CALN1: variants seen among roughly 807,000 people sequenced by gnomAD.
CALN1 encodes the protein calneuron 1.
A neutral mutation model predicts 30.6 loss-of-function variants in CALN1; 17 were observed. The ratio of observed to expected loss-of-function variants is 0.56; its 90% confidence interval spans 0.38 to 0.83. CALN1 has a LOEUF of 0.83. CALN1 is among the 40% of genes least tolerant of loss of function. The probability of loss-of-function intolerance (pLI) is 0.00; values close to 1 mark genes in which losing one functional copy is unlikely to be tolerated. For synonymous variants in CALN1, 156 were observed against 131.4 expected, an observed-to-expected ratio of 1.19 and a Z score of -1.28; for missense variants, 291 against 354.9, an observed-to-expected ratio of 0.82 and a Z score of 1.45.
At chr7:71,825,835 C>T (rs183019338) in intron 5 of CALN1, among the ~76,000 whole-genome samples, 7 of 151,998 alleles carry the variant, frequency 4.6e-5, no homozygotes, top group African/African-American at 1.4e-4. Flanking sequence ...GAGTTCAAGA[C>T]CAGCCTGACC....
intron 2 of CALN1, among the ~76,000 whole-genome samples, chr7:72,357,321 G>C (rs1444738202): frequency 6.6e-6 from 1 of 152,036 alleles, no homozygotes; most frequent in Non-Finnish European, 1.5e-5. Flanking sequence ...CTCGGAATGA[G>C]AAAGGTTCCT....
chr7:71,795,832 T>C (rs1045521382), intron 6 of CALN1, among the ~76,000 whole-genome samples: 1 of 146,816 alleles, frequency 6.8e-6, no homozygotes, highest in East Asian at 2.0e-4. Flanking sequence ...TTTTTTTTTT[T>C]TTTTGAGACA....
At chr7:72,197,229 G>C (rs1472271706) in intron 3 of CALN1, among the ~76,000 whole-genome samples, 11 of 110,880 alleles carry the variant, frequency 9.9e-5, no homozygotes, top group South Asian at 3.2e-4. Context: ...CTGTCACCCA[G>C]ACTGGAGTGC....
At chr7:72,358,717 G>A (rs575538456) in intron 2 of CALN1, among the ~76,000 whole-genome samples, 1 of 152,258 alleles carries the variant, frequency 6.6e-6, no homozygotes, top group East Asian at 1.9e-4. Context: ...TTGGGAGGCG[G>A]AGGCAAGCAG....
intron 6 of CALN1, among the ~76,000 whole-genome samples, chr7:71,791,514 T>G (rs1793384515): frequency 6.6e-6 from 1 of 152,066 alleles, no homozygotes; most frequent in Admixed American, 6.5e-5. Context: ...AACACATGGA[T>G]GCAAAGAAGG....
At chr7:72,113,392 C>A (rs1175771117) in intron 3 of CALN1, among the ~76,000 whole-genome samples, 1 of 152,202 alleles carries the variant, frequency 6.6e-6, no homozygotes, top group Non-Finnish European at 1.5e-5. Context: ...TCCTCACCAG[C>A]AGCCAAGCAA....
chr7:71,940,714 C>T (rs1337293976), intron 5 of CALN1, among the ~76,000 whole-genome samples: 2 of 152,090 alleles, frequency 1.3e-5, no homozygotes, highest in Admixed American at 1.3e-4. Context: ...AGCGATCCTG[C>T]GATCCTCCCA....
chr7:71,983,973 G>C (rs1798536035), intron 5 of CALN1, among the ~76,000 whole-genome samples: 1 of 152,094 alleles, frequency 6.6e-6, no homozygotes, highest in Non-Finnish European at 1.5e-5. Context: ...CAGAGGAGAT[G>C]ATAACCGCGC....
chr7:72,421,512 G>A (rs1807606794), intron 1 of CALN1, among the ~76,000 whole-genome samples: 1 of 117,688 alleles, frequency 8.5e-6, no homozygotes, highest in Non-Finnish European at 1.8e-5. Context: ...GTGTCATTTT[G>A]TCTTTATTTT....
At chr7:72,269,432 C>A (rs1462159192) in intron 3 of CALN1, among the ~76,000 whole-genome samples, 4 of 151,758 alleles carry the variant, frequency 2.6e-5, no homozygotes, top group African/African-American at 9.7e-5. Flanking sequence ...TTGTTCAATT[C>A]CCACCTATGA....
intron 6 of CALN1, among the ~76,000 whole-genome samples, chr7:71,790,455 T>G (rs1243779488): frequency 6.6e-6 from 1 of 151,962 alleles, no homozygotes; most frequent in Non-Finnish European, 1.5e-5. Context: ...TTTGATGAAG[T>G]GCATCAAGGA....
At chr7:72,273,276 G>T (rs550466077) in intron 3 of CALN1, among the ~76,000 whole-genome samples, 2 of 151,778 alleles carry the variant, frequency 1.3e-5, no homozygotes, top group Admixed American at 6.6e-5. Context: ...ACAAAAATTC[G>T]CCAGGCGTGG....
Position 71,988,148 on chromosome 7 carries a change from C to T in CALN1, c.501+35509G>A, listed in dbSNP as rs555822527. On this transcript the variant is annotated intron_variant, in intron 5 of 6. Transcript: ENST00000395275. Reference sequence around the variant, plus strand: ...GTCGTCATCACAGCAGACACTGATACAGTACTTGTCATGTGTCAGGAAGTG... The same window carrying T: ...GTCGTCATCACAGCAGACACTGATATAGTACTTGTCATGTGTCAGGAAGTG... Among the ~76,000 whole-genome samples the T allele has an allele frequency of 4.1e-4, 63 of 152,328 alleles. 1 individual carries two copies. The South Asian group carries it at 0.013, about 31-fold the overall frequency.
chr7:72,186,965 A>T lies in CALN1; in HGVS notation c.245-80671T>A, dbSNP rs373289464. Among the ~76,000 whole-genome samples, 19 of 145,200 alleles carry T rather than the reference A, an allele frequency of 1.3e-4. No individual in the cohort carries two copies. The East Asian group carries it at 2.2e-3, about 17-fold the overall frequency. On this transcript the variant is annotated intron_variant, in intron 3 of 6. Transcript: ENST00000395275. ...ATCAGCATTTTCTAAACTGTTCTGTAAGATGATATTATGAGTCCCCAGAAA... is the reference window on the plus strand; with the variant it reads ...ATCAGCATTTTCTAAACTGTTCTGTTAGATGATATTATGAGTCCCCAGAAA...
intron 5 of CALN1, among the ~76,000 whole-genome samples, chr7:71,910,933 C>T (rs959910615): frequency 2.6e-5 from 4 of 152,142 alleles, no homozygotes; most frequent in Admixed American, 6.5e-5. Context: ...AGAAAATAAA[C>T]GCCCAACAGA....
chr7:71,968,882 AAT>A (rs1491470127), intron 5 of CALN1, among the ~76,000 whole-genome samples: 19 of 136,924 alleles, frequency 1.4e-4, no homozygotes, highest in African/African-American at 5.0e-4. Flanking sequence ...ACACCTCTAC[AAT>A]TTTTTTTTTT....
At chr7:72,306,368 A>C (rs1266064274) in intron 2 of CALN1, among the ~76,000 whole-genome samples, 1 of 152,180 alleles carries the variant, frequency 6.6e-6, no homozygotes, top group Non-Finnish European at 1.5e-5. Flanking sequence ...TTTGTCATCT[A>C]TCTATCTGTC....
At chr7:71,960,178 TAAATA>T (rs1554397053) in intron 5 of CALN1, among the ~76,000 whole-genome samples, 7 of 78,000 alleles carry the variant, frequency 9.0e-5, no homozygotes, top group East Asian at 4.0e-4. Flanking sequence ...AATAAATAAA[TAAATA>T]AAATAAAATA....
intron 4 of CALN1, among the ~76,000 whole-genome samples, chr7:72,054,611 G>C (rs1435070957): frequency 6.7e-6 from 1 of 149,896 alleles, no homozygotes; most frequent in Non-Finnish European, 1.5e-5. Context: ...TCTTTTGCAG[G>C]AACATGAATG....
Sources: allele counts gnomAD v4.1 joint callset (sites outside exome capture counted in the v4.1 genomes callset), GRCh38; gene constraint gnomAD v4.1.1; transcripts MANE v1.5; gene names NCBI Gene and HGNC (gene_info 2026-07-23, HGNC 2026-07-21).